The following CD44 variants were observed in gnomAD, a reference collection of about 807,000 sequenced individuals.
The protein encoded by CD44 is CD44 antigen.
A neutral mutation model predicts 88.8 loss-of-function variants in CD44; 49 were observed. The observed-to-expected ratio is 0.55, with a 90% CI of 0.44 to 0.70. The LOEUF (loss-of-function observed/expected upper bound fraction) is 0.70. Among genes scored for constraint, CD44 ranks in the 30% least tolerant of loss-of-function variants. CD44 has a pLI of 0.00. For synonymous variants in CD44, 325 were observed against 312.3 expected (o/e 1.04, Z -0.43); for missense variants, 883 against 913.8 (o/e 0.97, Z 0.43).
intron 17 of CD44, among the ~76,000 whole-genome samples, chr11:35,226,944 A>G (rs11033033): frequency 0.17 from 21,905 of 125,448 alleles, 1,731 homozygotes; most frequent in Middle Eastern, 0.31. Context: ...GAGTGCGGTG[A>G]TGCAATCTCA....
At chr11:35,225,129 T>C (rs1343619138) in intron 17 of CD44, among the ~76,000 whole-genome samples, 2 of 122,776 alleles carry the variant, frequency 1.6e-5, no homozygotes, top group Non-Finnish European at 3.8e-5. Flanking sequence ...CTAGTTCAAC[T>C]GAGGAAGTGA....
chr11:35,184,829 G>A (rs953573841), intron 3 of CD44, among the ~76,000 whole-genome samples: 1 of 152,166 alleles, frequency 6.6e-6, no homozygotes, highest in Non-Finnish European at 1.5e-5. Context: ...TAATCTAAAT[G>A]CGTGACCTGT....
intron 1 of CD44, among the ~76,000 whole-genome samples, chr11:35,165,734 G>T (rs929182721): frequency 1.3e-5 from 2 of 152,048 alleles, no homozygotes; most frequent in East Asian, 3.9e-4. Context: ...GGTGTGCCTG[G>T]GGGAGCTACA....
At chr11:35,160,609 T>C (rs189309325) in intron 1 of CD44, among the ~76,000 whole-genome samples, 61 of 152,272 alleles carry the variant, frequency 4.0e-4, no homozygotes, top group Non-Finnish European at 7.8e-4. Flanking sequence ...TTAGAGATAT[T>C]CAAATCCAAC....
chr11:35,173,488 C>A (rs181240148), intron 1 of CD44, among the ~76,000 whole-genome samples: 16 of 152,298 alleles, frequency 1.1e-4, no homozygotes, highest in African/African-American at 3.8e-4. Flanking sequence ...AAGAGAACAC[C>A]ATTAGGCTTG....
chr11:35,223,611 G>A (rs1237810896), intron 17 of CD44, among the ~76,000 whole-genome samples: 6 of 152,122 alleles, frequency 3.9e-5, no homozygotes, highest in African/African-American at 7.2e-5. Context: ...CCTGGCAACC[G>A]GCAAACAGGG....
intron 6 of CD44, 44 bp downstream of exon 6, chr11:35,196,918 C>T: frequency 6.3e-7 from 1 of 1,591,876 alleles, no homozygotes; most frequent in Non-Finnish European, 8.6e-7. Context: ...TTCTTGACAG[C>T]CTTGAATAAT....
chr11:35,185,073 G>A (rs1340508376), intron 3 of CD44, among the ~76,000 whole-genome samples: 1 of 152,182 alleles, frequency 6.6e-6, no homozygotes. Flanking sequence ...AGAAGGCAGA[G>A]ATTGAGAGAA....
At chr11:35,213,846 T>C (rs922266320) in intron 14 of CD44, 2 of 152,174 alleles carry the variant, frequency 1.3e-5, no homozygotes, top group African/African-American at 4.8e-5. Flanking sequence ...GCAATCTGTC[T>C]CTTCAATATA....
rs1215719208 is a variant in CD44, at chr11:35,229,277, A to G, written c.2173A>G (p.Met725Val). 6.2e-7 allele frequency: 1 copy of G among 1,613,848 alleles called. No homozygotes were observed. The highest frequency in any genetic ancestry group is 1.1e-5 in the South Asian group (1 of 91,068). ...KESSETPDQF[M>V]TADETRNLQN... Reference sequence around the variant, plus strand: ...GTCGTCAGAAACTCCAGACCAGTTTATGACAGCTGATGAGACAAGGAACCT... The same window carrying G: ...GTCGTCAGAAACTCCAGACCAGTTTGTGACAGCTGATGAGACAAGGAACCT... Residue 725 changes from methionine to valine, a missense_variant, in exon 18 of 18, where the codon ATG (methionine) becomes GTG (valine). Around this residue, in one of 2 missense-constraint regions of CD44, gnomAD observed 631 missense variants for 590.9 expected, o/e 1.07. Coordinates refer to ENST00000428726, the MANE Select transcript of CD44 (RefSeq NM_000610.4).
intron 17 of CD44, chr11:35,223,402 T>A (rs960730689): frequency 2.1e-6 from 1 of 481,304 alleles, no homozygotes; most frequent in African/African-American, 2.1e-5. Context: ...GCTTTGCACA[T>A]GTCACCATAG....
chr11:35,184,228 A>G (rs1012228192), intron 3 of CD44, among the ~76,000 whole-genome samples: 3 of 152,182 alleles, frequency 2.0e-5, no homozygotes, highest in Admixed American at 1.3e-4. Flanking sequence ...GCCAGATTTG[A>G]TGTTCTTTAT....
intron 3 of CD44, among the ~76,000 whole-genome samples, chr11:35,186,391 A>T (rs989348921): frequency 1.3e-5 from 2 of 152,206 alleles, no homozygotes; most frequent in African/African-American, 4.8e-5. Context: ...TTCCCAGATT[A>T]TAAATGATTT....
intron 11 of CD44, among the ~76,000 whole-genome samples, 198 bp downstream of exon 11, chr11:35,206,441 G>A (rs1404859481): frequency 6.6e-6 from 1 of 152,070 alleles, no homozygotes; most frequent in Non-Finnish European, 1.5e-5. Flanking sequence ...TGAAAGTAAG[G>A]AATTTAGCAG....
chr11:35,173,292 T>C (rs564289905), intron 1 of CD44, among the ~76,000 whole-genome samples: 2 of 152,356 alleles, frequency 1.3e-5, no homozygotes, highest in South Asian at 4.1e-4. Context: ...TTTTCTTTTG[T>C]GTGCTGGACA....
intron 8 of CD44, 176 bp from the exon 9 acceptor site, chr11:35,201,495 C>A (rs763744434): frequency 5.9e-6 from 4 of 678,154 alleles, no homozygotes; most frequent in Non-Finnish European, 9.8e-6. Context: ...ATTCCAAGCC[C>A]ATTGATTTTC....
intron 1 of CD44, among the ~76,000 whole-genome samples, chr11:35,149,529 G>A (rs1859894794): frequency 2.0e-5 from 3 of 152,212 alleles, no homozygotes; most frequent in Non-Finnish European, 4.4e-5. Context: ...CCCAAGAATA[G>A]AAATGATTAT....
chr11:35,150,927 G>A (rs536714031), intron 1 of CD44, among the ~76,000 whole-genome samples: 65 of 152,312 alleles, frequency 4.3e-4, no homozygotes, highest in Admixed American at 1.8e-3. Context: ...ACAGAAATGA[G>A]GAAAGTGGAA....
chr11:35,181,669 C>CAT (rs1485501959), intron 3 of CD44, among the ~76,000 whole-genome samples: 23 of 121,270 alleles, frequency 1.9e-4, no homozygotes, highest in Middle Eastern at 4.4e-3. Context: ...TATACATATA[C>CAT]ATATATATAT....
Sources: gnomAD v4.1 joint callset for allele counts (sites outside exome capture counted in the v4.1 genomes callset) on GRCh38, gnomAD v4.1.1 for gene constraint, gnomAD v4.1.1 regional missense constraint, MANE v1.5 for transcripts, NCBI Gene and HGNC (gene_info 2026-07-23, HGNC 2026-07-21) for gene names.